The following SLC24A2 variants were observed in gnomAD, a reference collection of about 807,000 sequenced individuals.
SLC24A2 encodes the protein solute carrier family 24 member 2.
Under a neutral mutation model 62.0 loss-of-function variants are expected in SLC24A2, and 36 were observed. That is an observed-to-expected ratio of 0.58 (90% CI 0.44 to 0.77). SLC24A2 has a LOEUF of 0.77. Ranked by LOEUF, SLC24A2 falls within the 30% of genes least tolerant of loss-of-function variation. The probability of loss-of-function intolerance (pLI) is 0.00; values close to 1 mark genes in which losing one functional copy is unlikely to be tolerated. For missense variants in SLC24A2, 846 were observed against 817.9 expected (o/e 1.03, Z -0.42); for synonymous variants, 358 against 294.0 (o/e 1.22, Z -2.23).
intron 7 of SLC24A2, among the ~76,000 whole-genome samples, chr9:19,561,730 G>A (rs771631954): frequency 2.0e-5 from 3 of 152,032 alleles, no homozygotes; most frequent in Admixed American, 6.6e-5. Context: ...GCTCCTGGCC[G>A]AAAACAGACT....
At chr9:19,982,927 A>T in the SLC24A2 span, among the ~76,000 whole-genome samples, 1 of 152,216 alleles carries the variant, frequency 6.6e-6, no homozygotes, top group Admixed American at 6.5e-5. Flanking sequence ...ATAAAACTTC[A>T]TGATGTGGAA....
the SLC24A2 span, among the ~76,000 whole-genome samples, chr9:19,997,032 T>C: frequency 2.0e-5 from 3 of 150,740 alleles, no homozygotes; most frequent in African/African-American, 7.3e-5. Context: ...AGGCAAAAGA[T>C]GGTGAAAAAA....
the SLC24A2 span, among the ~76,000 whole-genome samples, chr9:20,304,569 A>T: frequency 4.6e-5 from 7 of 152,362 alleles, no homozygotes; most frequent in Non-Finnish European, 1.0e-4. Context: ...GTACAAAGTT[A>T]AAGGTATAAA....
chr9:19,846,540 T>C, the SLC24A2 span, among the ~76,000 whole-genome samples: 3 of 152,314 alleles, frequency 2.0e-5, no homozygotes, highest in East Asian at 1.9e-4. Context: ...ATTTTTTAAA[T>C]CTAACTTGCC....
At chr9:19,564,949 G>C (rs1158291861) in intron 7 of SLC24A2, among the ~76,000 whole-genome samples, 1 of 152,088 alleles carries the variant, frequency 6.6e-6, no homozygotes, top group Non-Finnish European at 1.5e-5. Flanking sequence ...TGAAATGTAA[G>C]AAAATGCTGG....
Position 19,525,102 on chromosome 9 carries a change from T to A in SLC24A2, c.1569+2947A>T, listed in dbSNP as rs149828445. ...TTGGTAGCAAATGTCTCTCAATGAGTGTATAAAATAATGACTCCAAGGCAC... is the reference window on the plus strand; with the variant it reads ...TTGGTAGCAAATGTCTCTCAATGAGAGTATAAAATAATGACTCCAAGGCAC... On this transcript the variant is annotated intron_variant, in intron 9 of 10. Coordinates refer to ENST00000341998, the MANE Select transcript of SLC24A2 (RefSeq NM_020344.4). Among the ~76,000 whole-genome samples, 1,290 of 152,270 alleles carry A rather than the reference T, an allele frequency of 8.5e-3. 12 individuals are homozygous for A. Among genetic ancestry groups the A allele is most frequent in the Non-Finnish European group, 0.013 (885 of 68,022 alleles).
At chr9:19,901,564 G>A in the SLC24A2 span, among the ~76,000 whole-genome samples, 4 of 152,120 alleles carry the variant, frequency 2.6e-5, no homozygotes, top group African/African-American at 7.2e-5. Flanking sequence ...GGTTACAAGA[G>A]GAACTATAAA....
At chr9:20,271,819 T>C in the SLC24A2 span, among the ~76,000 whole-genome samples, 1 of 152,154 alleles carries the variant, frequency 6.6e-6, no homozygotes, top group African/African-American at 2.4e-5. Flanking sequence ...CAAAAAAGGA[T>C]AAAGAAATTC....
At chr9:19,530,229 C>T (rs1261829115) in intron 8 of SLC24A2, among the ~76,000 whole-genome samples, 1 of 152,028 alleles carries the variant, frequency 6.6e-6, no homozygotes, top group African/African-American at 2.4e-5. Context: ...GTTTCAGGAT[C>T]CTACGTGCAA....
At chr9:19,601,415 T>G (rs923166429) in intron 4 of SLC24A2, among the ~76,000 whole-genome samples, 3 of 152,204 alleles carry the variant, frequency 2.0e-5, no homozygotes, top group African/African-American at 7.2e-5. Flanking sequence ...CCTTCCTTGC[T>G]GTGGAAGCTT....
At chr9:19,765,491 G>C (rs1239006651) in intron 2 of SLC24A2, among the ~76,000 whole-genome samples, 1 of 152,184 alleles carries the variant, frequency 6.6e-6, no homozygotes, top group Non-Finnish European at 1.5e-5. Context: ...AGGCAGGCCT[G>C]GTGGTGACAA....
At chr9:20,280,223 C>A in the SLC24A2 span, among the ~76,000 whole-genome samples, 1 of 152,156 alleles carries the variant, frequency 6.6e-6, no homozygotes, top group African/African-American at 2.4e-5. Flanking sequence ...TCAGGTGGCT[C>A]CAGTGTGATC....
chr9:19,966,393 C>T, the SLC24A2 span, among the ~76,000 whole-genome samples: 10 of 152,110 alleles, frequency 6.6e-5, no homozygotes, highest in African/African-American at 2.4e-4. Context: ...AATAAAAAGC[C>T]ATTCCTGTTT....
chr9:20,243,712 A>T, the SLC24A2 span, among the ~76,000 whole-genome samples: 1 of 152,208 alleles, frequency 6.6e-6, no homozygotes, highest in Non-Finnish European at 1.5e-5. Flanking sequence ...CCTTTAAAAT[A>T]AAAGGAAAGC....
chr9:19,598,525 G>A (rs1022421945), intron 4 of SLC24A2, among the ~76,000 whole-genome samples: 2 of 152,110 alleles, frequency 1.3e-5, no homozygotes, highest in African/African-American at 4.8e-5. Flanking sequence ...AAAATCACAT[G>A]TTTATGTTTC....
At chr9:20,261,087 C>G in the SLC24A2 span, among the ~76,000 whole-genome samples, 1 of 151,888 alleles carries the variant, frequency 6.6e-6, no homozygotes, top group Admixed American at 6.6e-5. Flanking sequence ...ATCTCTTGAC[C>G]TCGTGATCTG....
chr9:19,881,753 T>C, the SLC24A2 span, among the ~76,000 whole-genome samples: 98 of 152,310 alleles, frequency 6.4e-4, no homozygotes, highest in Non-Finnish European at 1.2e-3. Context: ...TCAAATCATG[T>C]AATACCACTG....
intron 5 of SLC24A2, among the ~76,000 whole-genome samples, chr9:19,590,511 C>G (rs747639777): frequency 1.3e-5 from 2 of 152,172 alleles, no homozygotes; most frequent in Non-Finnish European, 2.9e-5. Context: ...CCCACTTTTC[C>G]TCCCTCCTTG....
At chr9:20,281,248 G>T in the SLC24A2 span, among the ~76,000 whole-genome samples, 21,965 of 152,106 alleles carry the variant, frequency 0.14, 1,906 homozygotes, top group African/African-American at 0.24. Context: ...AAGTTTTTAA[G>T]AAACTATAAC....
Sources: gnomAD v4.1 joint callset for allele counts (sites outside exome capture counted in the v4.1 genomes callset) on GRCh38, gnomAD v4.1.1 for gene constraint, MANE v1.5 for transcripts, NCBI Gene and HGNC (gene_info 2026-07-23, HGNC 2026-07-21) for gene names.